Variants in ST8SIA4 observed in about 807,000 individuals in gnomAD.
The protein encoded by ST8SIA4 is CMP-N-acetylneuraminate-poly-alpha-2,8-sialyltransferase.
ST8SIA4 carries 15 observed loss-of-function variants against 33.9 expected under a neutral mutation model. The observed-to-expected ratio is 0.44, with a 90% CI of 0.30 to 0.68. The LOEUF is 0.68. Ranked by LOEUF, ST8SIA4 falls within the 30% of genes least tolerant of loss-of-function variation. The pLI, the probability that ST8SIA4 is intolerant of heterozygous loss-of-function variation, is 0.10. For missense variants in ST8SIA4, 321 were observed against 428.0 expected, an observed-to-expected ratio of 0.75 and a Z score of 2.21; for synonymous variants, 171 against 151.2, an observed-to-expected ratio of 1.13 and a Z score of -0.96.
intron 4 of ST8SIA4, among the ~76,000 whole-genome samples, chr5:100,836,363 TA>T (rs1257428869): frequency 6.6e-6 from 1 of 152,018 alleles, no homozygotes; most frequent in Non-Finnish European, 1.5e-5. Context: ...TCTGTGCCCC[TA>T]AAGACCACGT....
intron 4 of ST8SIA4, among the ~76,000 whole-genome samples, chr5:100,826,984 AC>A (rs1470294045): frequency 6.6e-6 from 1 of 151,266 alleles, no homozygotes; most frequent in Non-Finnish European, 1.5e-5. Flanking sequence ...ACACACACAC[AC>A]ATCCCATAGG....
intron 3 of ST8SIA4, among the ~76,000 whole-genome samples, chr5:100,870,970 T>C (rs555051920): frequency 3.4e-4 from 52 of 152,212 alleles, no homozygotes; most frequent in African/African-American, 1.2e-3. Flanking sequence ...AATGTTACTA[T>C]TCCTAAACTA....
At chr5:100,817,844 T>C (rs951360338) in intron 4 of ST8SIA4, among the ~76,000 whole-genome samples, 1 of 152,140 alleles carries the variant, frequency 6.6e-6, no homozygotes, top group Admixed American at 6.5e-5. Flanking sequence ...TTCTAATGTG[T>C]GTAAATAAAG....
At chr5:100,834,973 C>T (rs981113292) in intron 4 of ST8SIA4, among the ~76,000 whole-genome samples, 6 of 151,986 alleles carry the variant, frequency 3.9e-5, no homozygotes, top group Admixed American at 6.6e-5. Flanking sequence ...ACACATCCGG[C>T]CTTCTTGGAT....
intron 3 of ST8SIA4, among the ~76,000 whole-genome samples, chr5:100,864,299 G>A (rs1272913175): frequency 6.6e-6 from 1 of 152,106 alleles, no homozygotes; most frequent in Admixed American, 6.5e-5. Context: ...AGCGGGCCGG[G>A]TGCGGTGGCT....
intron 3 of ST8SIA4, among the ~76,000 whole-genome samples, chr5:100,864,418 C>CA (rs1752017210): frequency 6.6e-6 from 1 of 151,442 alleles, no homozygotes; most frequent in African/African-American, 2.4e-5. Context: ...ACTAAAAACA[C>CA]AAAAAAATTA....
At chr5:100,815,645 T>C (rs1284184568) in intron 4 of ST8SIA4, among the ~76,000 whole-genome samples, 2 of 152,066 alleles carry the variant, frequency 1.3e-5, no homozygotes, top group East Asian at 3.9e-4. Flanking sequence ...AGGTGTCTTA[T>C]ATACTCTTGC....
At chr5:100,878,018 C>T (rs2112463976) in intron 3 of ST8SIA4, among the ~76,000 whole-genome samples, 1 of 152,208 alleles carries the variant, frequency 6.6e-6, no homozygotes, top group East Asian at 1.9e-4. Flanking sequence ...AGTTTAGGCA[C>T]TGGGAGAGTT....
chr5:100,820,862 T>C (rs1377809155), intron 4 of ST8SIA4, among the ~76,000 whole-genome samples: 1 of 152,144 alleles, frequency 6.6e-6, no homozygotes, highest in African/African-American at 2.4e-5. Context: ...AAGAGAATGC[T>C]TAAAATCTTG....
intron 4 of ST8SIA4, among the ~76,000 whole-genome samples, chr5:100,816,100 C>T (rs1331637418): frequency 6.6e-6 from 1 of 152,148 alleles, no homozygotes; most frequent in Non-Finnish European, 1.5e-5. Context: ...GGGGTTTCCT[C>T]TATAAAATTC....
chr5:100,853,664 T>A (rs1751750103), intron 4 of ST8SIA4, among the ~76,000 whole-genome samples: 1 of 152,026 alleles, frequency 6.6e-6, no homozygotes, highest in Non-Finnish European at 1.5e-5. Flanking sequence ...AAGATAGGAG[T>A]CTTGTTAAAT....
At chr5:100,839,128 A>C (rs1751422550) in intron 4 of ST8SIA4, among the ~76,000 whole-genome samples, 1 of 151,932 alleles carries the variant, frequency 6.6e-6, no homozygotes, top group Admixed American at 6.6e-5. Flanking sequence ...ACACCCACCC[A>C]TTTAAAAATT....
At chr5:100,847,273 A>G (rs1751590168) in intron 4 of ST8SIA4, among the ~76,000 whole-genome samples, 1 of 152,036 alleles carries the variant, frequency 6.6e-6, no homozygotes, top group Non-Finnish European at 1.5e-5. Flanking sequence ...TTTTTTTAAA[A>G]TTGCTTTTCC....
chr5:100,819,479 A>G (rs934614744), intron 4 of ST8SIA4, among the ~76,000 whole-genome samples: 13 of 152,224 alleles, frequency 8.5e-5, no homozygotes, highest in African/African-American at 2.9e-4. Context: ...TGAACACTCA[A>G]AAAAAGGTAA....
intron 4 of ST8SIA4, among the ~76,000 whole-genome samples, chr5:100,835,640 G>T (rs1253668601): frequency 6.6e-6 from 1 of 152,066 alleles, no homozygotes; most frequent in East Asian, 1.9e-4. Flanking sequence ...ATATAAAAAC[G>T]TCATTATAGA....
In ST8SIA4 at chr5:100,903,085, C is replaced by G. The variant is rs1020295506; in HGVS notation, c.-130G>C. The G allele has an allele frequency of 6.0e-6, 4 of 670,318 alleles. No homozygotes were observed. Among genetic ancestry groups the G allele is most frequent in the Non-Finnish European group, 5.2e-6 (2 of 386,324 alleles). The allele number at this position is 670,318 out of a possible 1,614,324, so 41.5% of individuals were successfully genotyped here. A position where few individuals can be genotyped will look rare whatever the true frequency, so the allele number is the denominator to read the frequency against. On this transcript the variant is annotated 5_prime_UTR_variant, in exon 1 of 5. Transcript: ENST00000231461. Reference sequence around the variant, plus strand: ...CGAGGAGAGCTTGGAGCCGGGATCCCGGGATCAGATCACTGGGGTCTTCTG... The same window carrying G: ...CGAGGAGAGCTTGGAGCCGGGATCCGGGGATCAGATCACTGGGGTCTTCTG...
At chr5:100,864,168 C>G (rs1475590453) in intron 3 of ST8SIA4, among the ~76,000 whole-genome samples, 1 of 152,108 alleles carries the variant, frequency 6.6e-6, no homozygotes, top group Non-Finnish European at 1.5e-5. Flanking sequence ...ATACTTTTAT[C>G]AATTAAAAAG....
intron 4 of ST8SIA4, among the ~76,000 whole-genome samples, chr5:100,819,809 T>C (rs1455616524): frequency 6.6e-6 from 1 of 152,196 alleles, no homozygotes; most frequent in Non-Finnish European, 1.5e-5. Flanking sequence ...CTTCATTACA[T>C]ATTAATATAA....
intron 4 of ST8SIA4, among the ~76,000 whole-genome samples, chr5:100,839,738 A>G (rs953502580): frequency 1.3e-5 from 2 of 151,844 alleles, no homozygotes; most frequent in African/African-American, 4.8e-5. Flanking sequence ...AAAATCATAC[A>G]TCAAAAAGAA....
Sources: gnomAD v4.1 joint callset for allele counts (sites outside exome capture counted in the v4.1 genomes callset) on GRCh38, gnomAD v4.1.1 for gene constraint, MANE v1.5 for transcripts, NCBI Gene and HGNC (gene_info 2026-07-23, HGNC 2026-07-21) for gene names.